Variants in CTDSP1 observed in about 807,000 individuals in gnomAD.
The protein encoded by CTDSP1 is carboxy-terminal domain RNA polymerase II polypeptide A small phosphatase 1.
In CTDSP1, 15 loss-of-function variants were observed where a neutral mutation model predicts 32.5. The ratio of observed to expected loss-of-function variants is 0.46; its 90% confidence interval spans 0.31 to 0.71. The LOEUF (loss-of-function observed/expected upper bound fraction) is 0.71. Among genes scored for constraint, CTDSP1 ranks in the 30% least tolerant of loss-of-function variants. CTDSP1 has a pLI of 0.05. For missense variants in CTDSP1, 294 were observed against 351.1 expected (o/e 0.84, Z 1.30); for synonymous variants, 185 against 145.4 (o/e 1.27, Z -1.96).
chr2:218,400,615 G>A (rs995368803), intron 1 of CTDSP1: 5 of 395,908 alleles, frequency 1.3e-5, no homozygotes, highest in Non-Finnish European at 2.6e-5. Context: ...GCAGGCTGGG[G>A]AGGCTTGGAG....
rs1188647814 is a variant in CTDSP1 at position 218,405,583 on chromosome 2, A to C, written c.*1158A>C. On this transcript the variant is annotated 3_prime_UTR_variant, in exon 7 of 7. Transcript: ENST00000273062. ...TGGGGATCTCCAGGAAGCCCGACCA[A>C]GCTGTCCCCTTCCCCTGTGCCAACC... 1 of 153,044 alleles carries C rather than the reference A, an allele frequency of 6.5e-6. No individual in the cohort carries two copies. The highest frequency in any genetic ancestry group is 1.5e-5 in the Non-Finnish European group (1 of 68,308). 9.5% of individuals were successfully genotyped at this position (153,044 alleles called of 1,614,324 possible).
chr2:218,403,318 G>T lies in CTDSP1; in HGVS notation c.558G>T (p.Gly186=). Residue 186 remains glycine (G), a synonymous_variant, in exon 6 of 7, where the codon GGG becomes GGT. Coordinates refer to ENST00000273062, the MANE Select transcript of CTDSP1 (RefSeq NM_021198.3). ...LFRESCVFHR[G]NYVKDLSRLG... is the part of the protein sequence containing the mutation. ...GAGAGTCCTGCGTCTTCCACCGGGG[G>T]AACTACGTGAAGGACCTGAGCCGGT... 6.2e-7 allele frequency: 1 copy of T among 1,614,162 alleles called. No individual in the cohort carries two copies. The highest frequency in any genetic ancestry group is 8.5e-7 in the Non-Finnish European group (1 of 1,180,028).
At chr2:218,397,918 G>T (rs1256681483), upstream of CTDSP1, among the ~76,000 whole-genome samples, 1 of 152,216 alleles carries the variant, frequency 6.6e-6, no homozygotes, top group Non-Finnish European at 1.5e-5. Flanking sequence ...GAACTGCACG[G>T]GCAACGGCTT....
At chr2:218,398,492 G>C (rs750605187), upstream of CTDSP1, 4 of 1,486,652 alleles carry the variant, frequency 2.7e-6, no homozygotes, top group Middle Eastern at 1.8e-4. Flanking sequence ...ATCAGTCCCC[G>C]ACAGTCCCCT....
upstream of CTDSP1, chr2:218,398,366 C>A: frequency 4.0e-6 from 6 of 1,516,500 alleles, no homozygotes; most frequent in African/African-American, 1.4e-5. Context: ...CCAGAGCAGG[C>A]CTAGGAAAAC....
chr2:218,398,389 T>G (rs770687268), upstream of CTDSP1: 284 of 1,535,064 alleles, frequency 1.9e-4, 1 homozygote, highest in Middle Eastern at 2.2e-3. Flanking sequence ...CAGCAGCGTG[T>G]GGCGATCACG....
At chr2:218,398,305 T>C (rs369040115), upstream of CTDSP1, 13 of 986,582 alleles carry the variant, frequency 1.3e-5, no homozygotes, top group Admixed American at 2.6e-4. Context: ...ATCTGTGAAA[T>C]GGGTTAAGAA....
chr2:218,398,184 G>T (rs964215695), upstream of CTDSP1: 7 of 548,634 alleles, frequency 1.3e-5, no homozygotes, highest in Non-Finnish European at 2.0e-5. Flanking sequence ...CCCACCCAGG[G>T]GGCCGGACCG....
upstream of CTDSP1, chr2:218,399,272 CAG>C (rs1433276542): frequency 1.3e-5 from 2 of 152,210 alleles, no homozygotes; most frequent in Non-Finnish European, 1.5e-5. Flanking sequence ...TTTCCCAGGG[CAG>C]AGAGTTAGAA....
chr2:218,399,866 T>C (rs1697014235), upstream of CTDSP1: 1 of 1,241,852 alleles, frequency 8.1e-7, no homozygotes, highest in Non-Finnish European at 1.0e-6. Flanking sequence ...GGTTCCATGT[T>C]TGCATCCGCC....
In CTDSP1 at chr2:218,400,909, C is replaced by T. The variant is rs919677552; in HGVS notation, c.68-655C>T. 1.5e-5 allele frequency: 7 copies of T among 456,072 alleles called. No individual in the cohort carries two copies. The Admixed American group carries it at 1.6e-4, about 11-fold the overall frequency. The allele number at this position is 456,072 out of a possible 1,614,324, so 28.3% of individuals were successfully genotyped here. On this transcript the variant is annotated intron_variant, in intron 1 of 6. Transcript: ENST00000273062. ...GACGCTGCCCCCAGGTCTGCCCACC[C>T]TCGCCTGGGTCTGGCTGCCCCGGAA... is the stretch of plus-strand genomic sequence containing the variant.
At chr2:218,403,481 A>G in intron 6 of CTDSP1, 64 bp downstream of exon 6, 1 of 1,457,870 alleles carries the variant, frequency 6.9e-7, no homozygotes, top group Admixed American at 2.1e-5. Context: ...CAGTCCATTC[A>G]GGCCACCTTG....
chr2:218,404,149 TG>T lies in CTDSP1; in HGVS notation c.658-144del, dbSNP rs1697299105. Reference sequence around the variant, plus strand: ...TTGTTACGTTATAAATGTGTTTTCCTGGGGATTGCTGTCAAAAAAGTTTGAA... The same window carrying T: ...TTGTTACGTTATAAATGTGTTTTCCTGGGATTGCTGTCAAAAAAGTTTGAA... On this transcript the variant is annotated intron_variant, in intron 6 of 6. Transcript: ENST00000273062. 7 of 864,112 alleles carry T rather than the reference TG, an allele frequency of 8.1e-6. No homozygotes were observed. The South Asian group carries it at 1.0e-4, about 13-fold the overall frequency. 53.5% of individuals were successfully genotyped at this position (864,112 alleles called of 1,614,324 possible). A position where few individuals can be genotyped will look rare whatever the true frequency, so the allele number is the denominator to read the frequency against.
At chr2:218,401,200 G>T in intron 1 of CTDSP1, 1 of 375,152 alleles carries the variant, frequency 2.7e-6, no homozygotes, top group Non-Finnish European at 5.2e-6. Flanking sequence ...TGGCTGTCCT[G>T]AGCAGGGGTG....
At chr2:218,401,480 C>CACACA in intron 1 of CTDSP1, 84 bp from the exon 2 acceptor site, 1 of 1,501,672 alleles carries the variant, frequency 6.7e-7, no homozygotes, top group Non-Finnish European at 9.1e-7. Context: ...ATCCTCCTGG[C>CACACA]TCAGGGGTTC....
At chr2:218,399,818 C>T (rs1697011753), upstream of CTDSP1, 3 of 1,171,520 alleles carry the variant, frequency 2.6e-6, no homozygotes, top group African/African-American at 3.2e-5. Flanking sequence ...ACGCCGAAGC[C>T]GTTGCCCTTT....
upstream of CTDSP1, among the ~76,000 whole-genome samples, chr2:218,397,347 AG>A (rs1198816723): frequency 6.6e-6 from 1 of 152,130 alleles, no homozygotes; most frequent in African/African-American, 2.4e-5. Flanking sequence ...TCGACCCTCC[AG>A]GAAGAGGGGT....
chr2:218,404,158 C>T (rs1022706733), intron 6 of CTDSP1, 139 bp from the exon 7 acceptor site: 5 of 944,776 alleles, frequency 5.3e-6, no homozygotes, highest in Non-Finnish European at 6.4e-6. Context: ...CTGGGGATTG[C>T]TGTCAAAAAA....
At chr2:218,403,511 G>T (rs1425113431) in intron 6 of CTDSP1, 94 bp downstream of exon 6, 3 of 1,213,762 alleles carry the variant, frequency 2.5e-6, no homozygotes, top group Admixed American at 2.5e-5. Flanking sequence ...ATCCCCAGTT[G>T]GGGGGTGGGT....
Sources: allele counts gnomAD v4.1 joint callset (sites outside exome capture counted in the v4.1 genomes callset), GRCh38; gene constraint gnomAD v4.1.1; transcripts MANE v1.5; gene names NCBI Gene and HGNC (gene_info 2026-07-23, HGNC 2026-07-21).